PRKG1: variants seen among roughly 807,000 people sequenced by gnomAD.
The protein encoded by PRKG1 is protein kinase cGMP-dependent 1.
Under a neutral mutation model 88.1 loss-of-function variants are expected in PRKG1, and 35 were observed. The observed-to-expected ratio is 0.40, with a 90% CI of 0.30 to 0.53. PRKG1 has a LOEUF of 0.53. Ranked by LOEUF, PRKG1 falls within the 20% of genes least tolerant of loss-of-function variation. The probability of loss-of-function intolerance (pLI) is 0.59; values close to 1 mark genes in which losing one functional copy is unlikely to be tolerated. For missense variants in PRKG1, 540 were observed against 839.8 expected, an observed-to-expected ratio of 0.64 and a Z score of 4.41; for synonymous variants, 303 against 292.5, an observed-to-expected ratio of 1.04 and a Z score of -0.37.
chr10:51,816,763 T>A (rs7913235), intron 4 of PRKG1, among the ~76,000 whole-genome samples: 7,787 of 152,188 alleles, frequency 0.051, 437 homozygotes, highest in African/African-American at 0.13. Context: ...AGTTATTTTA[T>A]AAATACATAT....
intron 3 of PRKG1, among the ~76,000 whole-genome samples, chr10:51,682,116 AC>A (rs1019930635): frequency 3.3e-5 from 5 of 152,166 alleles, no homozygotes; most frequent in Non-Finnish European, 7.3e-5. Flanking sequence ...AAATCCTGAT[AC>A]CATTTCTATT....
chr10:51,835,388 C>T (rs931558024), intron 4 of PRKG1, among the ~76,000 whole-genome samples: 1 of 152,124 alleles, frequency 6.6e-6, no homozygotes, highest in Non-Finnish European at 1.5e-5. Flanking sequence ...AGATGCTGGC[C>T]ATTTAAATGT....
At chr10:51,632,151 T>C (rs1234600840) in intron 3 of PRKG1, among the ~76,000 whole-genome samples, 1 of 152,082 alleles carries the variant, frequency 6.6e-6, no homozygotes, top group African/African-American at 2.4e-5. Context: ...ATTAATGTAC[T>C]ATATGTGTGG....
rs141861654 is a variant in PRKG1 at position 51,127,164 on chromosome 10, G to A, written c.312-26000G>A. 2.1e-3 allele frequency among the ~76,000 whole-genome samples: 312 copies of A among 152,030 alleles called. 2 individuals are homozygous for A. Among genetic ancestry groups the A allele is most frequent in the African/African-American group, 7.3e-3 (302 of 41,468 alleles). On this transcript the variant is annotated intron_variant, in intron 1 of 17. Coordinates refer to ENST00000373980, the MANE Select transcript of PRKG1 (RefSeq NM_006258.4). Reference sequence around the variant, plus strand: ...ACACGGCAAAATAAATTATCATCAGGGTGAACAGGCAATCCAGAGAATGGG... The same window carrying A: ...ACACGGCAAAATAAATTATCATCAGAGTGAACAGGCAATCCAGAGAATGGG...
chr10:51,839,241 TA>T (rs1196547234), intron 4 of PRKG1, among the ~76,000 whole-genome samples: 1 of 152,216 alleles, frequency 6.6e-6, no homozygotes, highest in Non-Finnish European at 1.5e-5. Context: ...ATTAAGTGCA[TA>T]TTTGTTACTG....
intron 9 of PRKG1, among the ~76,000 whole-genome samples, chr10:52,234,491 C>A (rs1276852333): frequency 6.6e-6 from 1 of 151,214 alleles, no homozygotes; most frequent in Non-Finnish European, 1.5e-5. Flanking sequence ...GAGCTGAAAA[C>A]CAAGGCTCGA....
chr10:51,324,851 A>G (rs1338511138), intron 2 of PRKG1, among the ~76,000 whole-genome samples: 2 of 152,228 alleles, frequency 1.3e-5, no homozygotes, highest in Non-Finnish European at 2.9e-5. Flanking sequence ...ATGCTGCAGT[A>G]AACATGGGAG....
At chr10:51,988,837 G>C (rs1483303842) in intron 5 of PRKG1, among the ~76,000 whole-genome samples, 1 of 151,788 alleles carries the variant, frequency 6.6e-6, no homozygotes, top group African/African-American at 2.4e-5. Context: ...TATAGTCTTT[G>C]CTTTCTATAG....
chr10:52,117,801 T>C (rs780214070), intron 7 of PRKG1, among the ~76,000 whole-genome samples: 1 of 152,086 alleles, frequency 6.6e-6, no homozygotes, highest in Non-Finnish European at 1.5e-5. Flanking sequence ...ATGCATTTTG[T>C]GTGTGTGTGC....
At chr10:52,281,402 A>T (rs778276429) in intron 13 of PRKG1, among the ~76,000 whole-genome samples, 1 of 152,060 alleles carries the variant, frequency 6.6e-6, no homozygotes, top group Non-Finnish European at 1.5e-5. Context: ...GATTTACCAT[A>T]GAAGAGAAGT....
chr10:51,088,493 A>G (rs1844312291), intron 1 of PRKG1, among the ~76,000 whole-genome samples: 2 of 151,494 alleles, frequency 1.3e-5, no homozygotes, highest in South Asian at 2.1e-4. Context: ...CTCACATAGC[A>G]TTTAATATCT....
intron 9 of PRKG1, among the ~76,000 whole-genome samples, chr10:52,212,618 G>GGAGA (rs138850418): frequency 2.7e-5 from 4 of 149,544 alleles, no homozygotes; most frequent in Non-Finnish European, 5.9e-5. Flanking sequence ...GTGGTGTAGG[G>GGAGA]GAGAGAGAGA....
intron 5 of PRKG1, among the ~76,000 whole-genome samples, chr10:51,939,312 GC>G (rs1327130528): frequency 6.6e-6 from 1 of 151,890 alleles, no homozygotes; most frequent in Non-Finnish European, 1.5e-5. Context: ...GTCACATACG[GC>G]CAAATTGAGA....
In PRKG1 at chr10:51,434,168, T is replaced by C. The variant is rs561456019; in HGVS notation, c.479-33555T>C. ...GCCTGGCTGCTGAAATTCACAGCCA[T>C]AGCAGAGTGTGTTTTTGGGTTACTT... On this transcript the variant is annotated intron_variant, in intron 2 of 17. Transcript: ENST00000373980. Among the ~76,000 whole-genome samples the C allele has an allele frequency of 1.4e-4, 22 of 152,186 alleles. No homozygotes were observed. In the East Asian group the frequency reaches 4.3e-3, roughly 30 times the overall value.
At position 51,555,672 on chromosome 10, in the gene PRKG1, T is replaced by C. The variant is rs138164683; in HGVS notation, c.592+87836T>C. ...TTCCTTCTTCCTGTTGGCAGGTAGC[T>C]GTTAAGGTAGATGTTGAGGACAAAA... On this transcript the variant is annotated intron_variant, in intron 3 of 17. Coordinates refer to ENST00000373980, the MANE Select transcript of PRKG1 (RefSeq NM_006258.4). 8.5e-5 allele frequency among the ~76,000 whole-genome samples: 13 copies of C among 152,104 alleles called. No individual in the cohort carries two copies. The East Asian group carries it at 2.5e-3, about 30-fold the overall frequency.
intron 3 of PRKG1, among the ~76,000 whole-genome samples, chr10:51,540,325 GC>G (rs1197205054): frequency 6.6e-6 from 1 of 152,096 alleles, no homozygotes; most frequent in Non-Finnish European, 1.5e-5. Flanking sequence ...TTATTATAAA[GC>G]ATTTACATTC....
chr10:52,213,211 G>GA (rs1295524504), intron 9 of PRKG1, among the ~76,000 whole-genome samples: 10 of 151,800 alleles, frequency 6.6e-5, no homozygotes, highest in African/African-American at 2.2e-4. Flanking sequence ...TACAAAACAG[G>GA]AAAAAATGAA....
At chr10:51,527,231 G>A (rs950015854) in intron 3 of PRKG1, among the ~76,000 whole-genome samples, 10 of 151,600 alleles carry the variant, frequency 6.6e-5, no homozygotes, top group African/African-American at 2.2e-4. Context: ...AATGAATAAC[G>A]AAAAAGAATA....
intron 3 of PRKG1, among the ~76,000 whole-genome samples, chr10:51,476,992 G>A (rs758902956): frequency 3.2e-4 from 48 of 151,996 alleles, no homozygotes; most frequent in Middle Eastern, 6.8e-3. Flanking sequence ...GCATAGGTGA[G>A]GCAACTGAGT....
Sources: allele counts gnomAD v4.1 joint callset (sites outside exome capture counted in the v4.1 genomes callset), GRCh38; gene constraint gnomAD v4.1.1; transcripts MANE v1.5; gene names NCBI Gene and HGNC (gene_info 2026-07-23, HGNC 2026-07-21).